FAM169A: variants seen among roughly 807,000 people sequenced by gnomAD.
FAM169A encodes soluble lamin-associated protein of 75 kDa.
Under a neutral mutation model 75.7 loss-of-function variants are expected in FAM169A, and 24 were observed. The ratio of observed to expected loss-of-function variants is 0.32; its 90% CI spans 0.23 to 0.45. The LOEUF is 0.45. Among genes scored for constraint, FAM169A ranks in the 20% least tolerant of loss-of-function variants. The pLI, the probability that FAM169A is intolerant of heterozygous loss-of-function variation, is 1.00. For synonymous variants in FAM169A, 271 were observed against 271.0 expected, an observed-to-expected ratio of 1.00 and a Z score of 0.00; for missense variants, 673 against 784.0, an observed-to-expected ratio of 0.86 and a Z score of 1.69.
At chr5:74,796,808 C>T (rs1746302605) in intron 10 of FAM169A, among the ~76,000 whole-genome samples, 1 of 151,946 alleles carries the variant, frequency 6.6e-6, no homozygotes, top group South Asian at 2.1e-4. Flanking sequence ...TCCCAGTTTA[C>T]AGACTTTTGT....
chr5:74,789,620 G>A lies in FAM169A; in HGVS notation c.1260+6410C>T, dbSNP rs148024928. ...GGCCATATGATCCAGCAGATCTAATGGTGCTTGAGGTGTCAGTGGCAGGCA... is the reference window on the plus strand; with the variant it reads ...GGCCATATGATCCAGCAGATCTAATAGTGCTTGAGGTGTCAGTGGCAGGCA... On this transcript the variant is annotated intron_variant, in intron 11 of 12. Coordinates refer to ENST00000687041, the MANE Select transcript of FAM169A (RefSeq NM_001376049.1). Among the ~76,000 whole-genome samples, 623 of 152,360 alleles carry A rather than the reference G, an allele frequency of 4.1e-3. 9 individuals are homozygous for A. Among genetic ancestry groups the A allele is most frequent in the African/African-American group, 0.014 (583 of 41,584 alleles).
At chr5:74,862,187 T>G (rs549543025) in intron 1 of FAM169A, among the ~76,000 whole-genome samples, 290 of 152,358 alleles carry the variant, frequency 1.9e-3, no homozygotes, top group African/African-American at 6.6e-3. Flanking sequence ...AAACTGCTAT[T>G]GGAATGCTCT....
chr5:74,824,708 T>C (rs945921324), intron 5 of FAM169A, among the ~76,000 whole-genome samples: 6 of 147,408 alleles, frequency 4.1e-5, no homozygotes, highest in South Asian at 4.3e-4. Context: ...TACACACACA[T>C]ACACACACAC....
chr5:74,855,725 A>G (rs1749673634), intron 1 of FAM169A, among the ~76,000 whole-genome samples: 1 of 152,106 alleles, frequency 6.6e-6, no homozygotes, highest in Non-Finnish European at 1.5e-5. Flanking sequence ...ATTTTCTCCC[A>G]TTCTGTGGGT....
chr5:74,817,152 C>T (rs1206216211), intron 5 of FAM169A, among the ~76,000 whole-genome samples: 1 of 152,018 alleles, frequency 6.6e-6, no homozygotes, highest in Non-Finnish European at 1.5e-5. Flanking sequence ...AGGATATTTA[C>T]TCTCACCACT....
At position 74,804,753 on chromosome 5, in the gene FAM169A, T is replaced by C. The variant is rs112551318; in HGVS notation, c.800-148A>G. 173 of 538,060 alleles carry C rather than the reference T, an allele frequency of 3.2e-4. 1 individual carries two copies. Among genetic ancestry groups the C allele is most frequent in the African/African-American group, 2.7e-3 (141 of 52,514 alleles). The allele number at this position is 538,060 out of a possible 1,614,324, so 33.3% of individuals were successfully genotyped here. On this transcript the variant is annotated intron_variant, in intron 7 of 12. Coordinates refer to ENST00000687041, the MANE Select transcript of FAM169A (RefSeq NM_001376049.1). Reference sequence around the variant, plus strand: ...GTGTGAGATGTTCTCTTCACCAATATCCTATAATGCAACATTGCCATTATA... The same window carrying C: ...GTGTGAGATGTTCTCTTCACCAATACCCTATAATGCAACATTGCCATTATA...
intron 11 of FAM169A, among the ~76,000 whole-genome samples, chr5:74,787,331 C>T (rs1379735248): frequency 1.3e-5 from 2 of 152,152 alleles, no homozygotes; most frequent in Non-Finnish European, 1.5e-5. Flanking sequence ...AGCTGAAATA[C>T]GGATTAAAAG....
intron 1 of FAM169A, among the ~76,000 whole-genome samples, chr5:74,843,473 C>T (rs927903772): frequency 6.6e-6 from 1 of 152,174 alleles, no homozygotes; most frequent in Non-Finnish European, 1.5e-5. Flanking sequence ...CAATGTGATA[C>T]AGGCATGTGA....
intron 1 of FAM169A, among the ~76,000 whole-genome samples, chr5:74,842,802 C>G (rs1580154588): frequency 6.6e-6 from 1 of 150,464 alleles, no homozygotes; most frequent in African/African-American, 2.5e-5. Context: ...AAGGACTCCA[C>G]TACTATATAA....
chr5:74,843,640 T>G (rs1456834909), intron 1 of FAM169A, among the ~76,000 whole-genome samples: 1 of 152,212 alleles, frequency 6.6e-6, no homozygotes, highest in Non-Finnish European at 1.5e-5. Context: ...ATTTTGCTCA[T>G]TTTGAACTTC....
chr5:74,860,921 A>G (rs1337646148), intron 1 of FAM169A, among the ~76,000 whole-genome samples: 1 of 151,766 alleles, frequency 6.6e-6, no homozygotes, highest in Non-Finnish European at 1.5e-5. Flanking sequence ...GCGGATCACG[A>G]GGTCAGGAGT....
intron 4 of FAM169A, among the ~76,000 whole-genome samples, chr5:74,835,601 CAAAAAAAAAAA>C (rs35800429): frequency 3.5e-4 from 21 of 59,176 alleles, no homozygotes; most frequent in East Asian, 1.9e-3. Context: ...GACTGTGTCT[CAAAAAAAAAAA>C]AAAAAAAAAA....
chr5:74,860,719 G>A (rs541075617), intron 1 of FAM169A, among the ~76,000 whole-genome samples: 27 of 151,356 alleles, frequency 1.8e-4, no homozygotes, highest in African/African-American at 6.6e-4. Flanking sequence ...CTTATAGTTA[G>A]GTGAAATATT....
Position 74,805,200 on chromosome 5 carries a change from A to G in FAM169A, c.755T>C (p.Ile252Thr), listed in dbSNP as rs759473729. ...VEGVGHWYQR[I>T]PVTRALQREA... ...TCTTTGTAATGCTCTGGTGACTGGT[A>G]TTCGCTGGTACCAGTGTCCAACACC... Residue 252 changes from isoleucine (I) to threonine (T), a missense_variant, in exon 7 of 13, where the codon ATA becomes ACA. Ile to Thr is a moderately conservative substitution (Grantham distance 89). Around this residue, in one of 3 missense-constraint regions of FAM169A, gnomAD observed 510 missense variants for 550.9 expected, o/e 0.93. Coordinates refer to ENST00000687041, the MANE Select transcript of FAM169A (RefSeq NM_001376049.1). 2.3e-5 allele frequency: 37 copies of G among 1,613,592 alleles called. No individual in the cohort carries two copies. The highest frequency in any genetic ancestry group is 3.0e-5 in the Non-Finnish European group (35 of 1,179,632).
intron 4 of FAM169A, among the ~76,000 whole-genome samples, chr5:74,836,037 T>A (rs1490319827): frequency 6.6e-6 from 1 of 152,222 alleles, no homozygotes; most frequent in Admixed American, 6.5e-5. Flanking sequence ...ATTTCAGTGC[T>A]CTCTCTTGAA....
At chr5:74,845,374 C>G (rs1397026331) in intron 1 of FAM169A, among the ~76,000 whole-genome samples, 2 of 151,970 alleles carry the variant, frequency 1.3e-5, no homozygotes, top group African/African-American at 4.8e-5. Flanking sequence ...AAAAATTAGC[C>G]GGGCGTGGTA....
rs566445379 is a variant in FAM169A, at chr5:74,856,133, T to G, written c.-4+10032A>C. 1.1e-4 allele frequency among the ~76,000 whole-genome samples: 16 copies of G among 152,328 alleles called. No individual in the cohort carries two copies. The East Asian group carries it at 2.5e-3, about 24-fold the overall frequency. ...TTCTGGGTTCTCTACTCTGTTCCAT[T>G]GGTCTATGTGTCTGTTTTTACGCTG... On this transcript the variant is annotated intron_variant, in intron 1 of 12. Transcript: ENST00000687041.
Position 74,841,527 on chromosome 5 carries a change from C to T in FAM169A, c.132+18G>A. The T allele has an allele frequency of 6.4e-7, 1 of 1,551,800 alleles. No homozygotes were observed. Among genetic ancestry groups the T allele is most frequent in the Non-Finnish European group, 8.7e-7 (1 of 1,146,096 alleles). On this transcript the variant is annotated intron_variant, in intron 2 of 12. Coordinates refer to ENST00000687041, the MANE Select transcript of FAM169A (RefSeq NM_001376049.1). ...CTGAACTGAAAAGATTGATGACAAT[C>T]ACTGCAGAACACCTTACCGTAATAT...
At chr5:74,843,385 G>A (rs1037357224) in intron 1 of FAM169A, among the ~76,000 whole-genome samples, 4 of 152,028 alleles carry the variant, frequency 2.6e-5, no homozygotes, top group Admixed American at 6.6e-5. Context: ...TAATTTGAAA[G>A]AACAGACAAG....
Sources: allele counts gnomAD v4.1 joint callset (sites outside exome capture counted in the v4.1 genomes callset), GRCh38; gene constraint gnomAD v4.1.1; regional missense constraint gnomAD v4.1.1; transcripts MANE v1.5; gene names NCBI Gene and HGNC (gene_info 2026-07-23, HGNC 2026-07-21).